HACE1: variants seen among roughly 807,000 people sequenced by gnomAD.
HACE1 encodes the protein HECT domain and ankyrin repeat containing E3 ubiquitin protein ligase 1.
HACE1 carries 73 observed loss-of-function variants against 118.4 expected under a neutral mutation model. The observed-to-expected ratio is 0.62, with a 90% confidence interval of 0.51 to 0.75. HACE1 has a LOEUF of 0.75. HACE1 is among the 30% of genes least tolerant of loss of function. The pLI is 0.00. For missense variants in HACE1, 749 were observed against 1,102.2 expected (o/e 0.68, Z 4.54); for synonymous variants, 368 against 374.8 (o/e 0.98, Z 0.21).
intron 4 of HACE1, among the ~76,000 whole-genome samples, chr6:104,845,476 C>CTTTTT (rs35701834): frequency 7.5e-6 from 1 of 134,112 alleles, no homozygotes; most frequent in East Asian, 2.2e-4. Context: ...TCTGGGTAAA[C>CTTTTT]TTTTTTTTTT....
At chr6:104,753,919 C>T (rs1778336659) in intron 19 of HACE1, among the ~76,000 whole-genome samples, 1 of 152,128 alleles carries the variant, frequency 6.6e-6, no homozygotes, top group Non-Finnish European at 1.5e-5. Flanking sequence ...GCTGAATTGA[C>T]AGAAATAGTC....
At chr6:104,853,250 A>T (rs1174642508) in intron 1 of HACE1, among the ~76,000 whole-genome samples, 1 of 152,218 alleles carries the variant, frequency 6.6e-6, no homozygotes, top group Non-Finnish European at 1.5e-5. Context: ...AGCTTCCAGA[A>T]CTGTGAGAAA....
At chr6:104,762,197 G>T (rs1779433917) in intron 19 of HACE1, among the ~76,000 whole-genome samples, 1 of 152,094 alleles carries the variant, frequency 6.6e-6, no homozygotes, top group Non-Finnish European at 1.5e-5. Flanking sequence ...TCCCATTACT[G>T]GGTATATACC....
At chr6:104,851,107 A>G in intron 2 of HACE1, 111 bp from the exon 3 acceptor site, 1 of 722,608 alleles carries the variant, frequency 1.4e-6, no homozygotes, top group Non-Finnish European at 2.5e-6. Flanking sequence ...TTGTTGAGAC[A>G]AGAGTCTTGC....
At chr6:104,801,393 G>T (rs1770332036) in intron 7 of HACE1, among the ~76,000 whole-genome samples, 1 of 152,082 alleles carries the variant, frequency 6.6e-6, no homozygotes, top group Non-Finnish European at 1.5e-5. Context: ...CTCAAGAAGA[G>T]CAACCCCAAG....
chr6:104,808,611 T>A (rs1207985892), intron 7 of HACE1, among the ~76,000 whole-genome samples: 1 of 151,208 alleles, frequency 6.6e-6, no homozygotes, highest in Non-Finnish European at 1.5e-5. Flanking sequence ...GAATATGATA[T>A]AATATATTAT....
At chr6:104,736,492 G>A (rs12205229) in intron 22 of HACE1, among the ~76,000 whole-genome samples, 16,801 of 151,976 alleles carry the variant, frequency 0.11, 960 homozygotes, top group East Asian at 0.16. Flanking sequence ...ATGTTGCCCA[G>A]GCTGGTCCCA....
At chr6:104,763,504 T>C (rs931716560) in intron 19 of HACE1, among the ~76,000 whole-genome samples, 1 of 152,062 alleles carries the variant, frequency 6.6e-6, no homozygotes, top group Admixed American at 6.6e-5. Context: ...CAATCTGTGG[T>C]TGTTTGACAT....
intron 5 of HACE1, 84 bp from the exon 6 acceptor site, chr6:104,833,257 G>C: frequency 8.0e-7 from 1 of 1,256,560 alleles, no homozygotes; most frequent in East Asian, 2.3e-5. Flanking sequence ...TTCTCAGCTG[G>C]GCGTGATTTG....
intron 19 of HACE1, among the ~76,000 whole-genome samples, chr6:104,767,139 A>G (rs1164721179): frequency 6.6e-6 from 1 of 152,232 alleles, no homozygotes; most frequent in African/African-American, 2.4e-5. Flanking sequence ...TGAGAAACAT[A>G]AAGAACATGG....
chr6:104,777,012 C>T lies in HACE1; in HGVS notation c.1776+1G>A. The T allele has an allele frequency of 1.3e-6, 2 of 1,590,676 alleles. No individual in the cohort carries two copies. The highest frequency in any genetic ancestry group is 1.7e-6 in the Non-Finnish European group (2 of 1,159,300). On this transcript the variant is annotated splice_donor_variant, in intron 16 of 23. Transcript: ENST00000262903. LOFTEE classifies it high-confidence loss of function. ...TCTACATCATCTTCTTTTATACCCA[C>T]CATGCCTTCTTCTCCATGGAACCGT...
At chr6:104,780,328 T>G (rs1183583329) in intron 14 of HACE1, 1 of 449,432 alleles carries the variant, frequency 2.2e-6, no homozygotes, top group Non-Finnish European at 4.4e-6. Flanking sequence ...ATGGTACATT[T>G]TTGTATGTAA....
At chr6:104,743,953 T>A (rs1159620473) in intron 22 of HACE1, among the ~76,000 whole-genome samples, 1 of 152,138 alleles carries the variant, frequency 6.6e-6, no homozygotes, top group South Asian at 2.1e-4. Context: ...AGATGCTTTT[T>A]AATATATTAA....
chr6:104,809,075 A>G (rs767685049), intron 7 of HACE1, among the ~76,000 whole-genome samples: 30 of 152,190 alleles, frequency 2.0e-4, no homozygotes, highest in Non-Finnish European at 3.8e-4. Context: ...TATTTTAACT[A>G]TTATAAATGG....
chr6:104,741,154 G>A (rs1181322735), intron 22 of HACE1, among the ~76,000 whole-genome samples: 1 of 109,626 alleles, frequency 9.1e-6, no homozygotes, highest in Non-Finnish European at 1.8e-5. Flanking sequence ...TTGATGGGAT[G>A]TATCTCAAAA....
At chr6:104,793,264 C>T (rs1487118599) in intron 10 of HACE1, among the ~76,000 whole-genome samples, 2 of 113,594 alleles carry the variant, frequency 1.8e-5, no homozygotes, top group Non-Finnish European at 3.4e-5. Flanking sequence ...GAGACTACAT[C>T]TCAAAAAAAA....
chr6:104,831,479 G>A (rs1463587426), intron 6 of HACE1, among the ~76,000 whole-genome samples: 1 of 152,102 alleles, frequency 6.6e-6, no homozygotes, highest in African/African-American at 2.4e-5. Flanking sequence ...CAGCTACTTA[G>A]GAGGCTGAGG....
At chr6:104,744,717 A>C in intron 20 of HACE1, 107 bp from the exon 21 acceptor site, 1 of 702,650 alleles carries the variant, frequency 1.4e-6, no homozygotes, top group Non-Finnish European at 2.6e-6. Flanking sequence ...TGTAAAACTG[A>C]TATATTTTTG....
intron 22 of HACE1, among the ~76,000 whole-genome samples, chr6:104,737,521 G>A (rs977870050): frequency 2.6e-3 from 390 of 152,268 alleles, no homozygotes; most frequent in African/African-American, 8.9e-3. Context: ...CTTGGGAAGC[G>A]CAAGGGGTCA....
Sources: gnomAD v4.1 joint callset for allele counts (sites outside exome capture counted in the v4.1 genomes callset) on GRCh38, gnomAD v4.1.1 for gene constraint, MANE v1.5 for transcripts, NCBI Gene and HGNC (gene_info 2026-07-23, HGNC 2026-07-21) for gene names.